Variants in GSE1 observed in about 807,000 individuals in gnomAD.
GSE1 encodes Gse1 coiled-coil protein, also known as genetic suppressor element 1.
A neutral mutation model predicts 112.6 loss-of-function variants in GSE1; 32 were observed. The ratio of observed to expected loss-of-function variants is 0.28; its 90% CI spans 0.21 to 0.38. The LOEUF is 0.38. Among genes scored for constraint, GSE1 ranks in the 10% least tolerant of loss-of-function variants. GSE1 has a pLI of 1.00. For missense variants in GSE1, 2,348 were observed against 1,699.2 expected, an observed-to-expected ratio of 1.38 and a Z score of -6.71; for synonymous variants, 1,115 against 735.6, an observed-to-expected ratio of 1.52 and a Z score of -8.35.
At chr16:85,399,295 G>A (rs1486313284) in intron 2 of GSE1, among the ~76,000 whole-genome samples, 1 of 152,208 alleles carries the variant, frequency 6.6e-6, no homozygotes, top group African/African-American at 2.4e-5. Context: ...CCAGCACAGA[G>A]TCCTCTCAGG....
chr16:85,351,715 C>T (rs968507607), intron 1 of GSE1, among the ~76,000 whole-genome samples: 5 of 152,282 alleles, frequency 3.3e-5, no homozygotes, highest in Admixed American at 1.3e-4. Flanking sequence ...TTGGGCTGGG[C>T]GCAGTGGCTC....
intron 2 of GSE1, among the ~76,000 whole-genome samples, chr16:85,425,838 T>G (rs549793946): frequency 1.6e-3 from 240 of 152,352 alleles, no homozygotes; most frequent in Non-Finnish European, 2.9e-3. Context: ...AGGAAGAATC[T>G]GAACATCCTA....
chr16:85,603,666 TA>T (rs1049159220), intron 1 of GSE1, among the ~76,000 whole-genome samples: 5 of 152,176 alleles, frequency 3.3e-5, no homozygotes, highest in African/African-American at 9.7e-5. Flanking sequence ...CAAGCCTGGT[TA>T]TTTTTTTATT....
At chr16:85,214,151 G>T (rs940671049) in intron 1 of GSE1, among the ~76,000 whole-genome samples, 2 of 152,182 alleles carry the variant, frequency 1.3e-5, no homozygotes, top group African/African-American at 4.8e-5. Context: ...TGGCGTGCCC[G>T]CCGGCCTCTC....
At chr16:85,224,796 T>C (rs2075454826) in intron 1 of GSE1, among the ~76,000 whole-genome samples, 1 of 150,634 alleles carries the variant, frequency 6.6e-6, no homozygotes, top group African/African-American at 2.5e-5. Flanking sequence ...GAGACCAGCC[T>C]GGCCAATATT....
intron 2 of GSE1, among the ~76,000 whole-genome samples, chr16:85,524,103 C>T (rs2052283800): frequency 6.6e-6 from 1 of 152,194 alleles, no homozygotes; most frequent in East Asian, 1.9e-4. Context: ...TTCCGGGGCC[C>T]AGGTCTGGGG....
chr16:85,504,679 A>T (rs1397464722), intron 2 of GSE1, among the ~76,000 whole-genome samples: 3 of 152,256 alleles, frequency 2.0e-5, no homozygotes, highest in Non-Finnish European at 1.5e-5. Flanking sequence ...AAGTGAGCCA[A>T]TTTAGATAAA....
chr16:85,192,656 T>A (rs533811786), intron 1 of GSE1, among the ~76,000 whole-genome samples: 14 of 152,172 alleles, frequency 9.2e-5, no homozygotes, highest in Non-Finnish European at 1.6e-4. Context: ...GAGCCTAAGC[T>A]CGTCGGGCAC....
intron 1 of GSE1, among the ~76,000 whole-genome samples, chr16:85,234,301 C>T (rs573076796): frequency 1.3e-3 from 201 of 152,270 alleles, no homozygotes; most frequent in African/African-American, 4.6e-3. Context: ...AGTCTCCTCT[C>T]TTACTAGCTT....
At chr16:85,187,376 G>A (rs1260794821) in intron 1 of GSE1, among the ~76,000 whole-genome samples, 1 of 152,234 alleles carries the variant, frequency 6.6e-6, no homozygotes, top group African/African-American at 2.4e-5. Context: ...CTGCGCCAAG[G>A]CCCTGGGGAG....
intron 2 of GSE1, among the ~76,000 whole-genome samples, chr16:85,533,667 C>T (rs1567566786): frequency 1.3e-5 from 2 of 152,102 alleles, no homozygotes; most frequent in Non-Finnish European, 2.9e-5. Context: ...AGTTTGAGAC[C>T]AGCCTGGGCA....
intron 1 of GSE1, among the ~76,000 whole-genome samples, chr16:85,252,347 A>G (rs778258576): frequency 1.3e-5 from 2 of 148,872 alleles, no homozygotes; most frequent in Non-Finnish European, 3.0e-5. Flanking sequence ...CCTCCTCCAT[A>G]GCACAAAGTT....
At position 85,654,376 on chromosome 16, in the gene GSE1, C is replaced by A; in HGVS notation, c.525C>A (p.His175Gln). 3 of 1,611,996 alleles carry A rather than the reference C, an allele frequency of 1.9e-6. No individual in the cohort carries two copies. Among genetic ancestry groups the A allele is most frequent in the Non-Finnish European group, 2.5e-6 (3 of 1,179,466 alleles). The stretch of plus-strand genomic sequence containing the variant: ...CAGGGGGACCAGCCATCCCCTCGCA[C>A]CTGCTCAGCACCCCCTACCCCTTCG... ...EKAGGPAIPS[H>Q]LLSTPYPFGL... The change falls in exon 4 of 16, where the codon CAC becomes CAA. Residue 175 changes from histidine to glutamine, a missense_variant. By Grantham distance (24) the His-to-Gln change is conservative (BLOSUM62 0). Coordinates refer to ENST00000253458, the MANE Select transcript of GSE1 (RefSeq NM_014615.5).
chr16:85,176,045 A>T (rs1050730861), intron 1 of GSE1, among the ~76,000 whole-genome samples: 1 of 151,900 alleles, frequency 6.6e-6, no homozygotes, highest in Non-Finnish European at 1.5e-5. Context: ...CTGGCGTGCA[A>T]TGGTACAATG....
chr16:85,518,804 G>A (rs545528888), intron 2 of GSE1, among the ~76,000 whole-genome samples: 45 of 152,186 alleles, frequency 3.0e-4, no homozygotes, highest in African/African-American at 9.9e-4. Flanking sequence ...CTATCCTTAC[G>A]CAAGACTGAC....
At chr16:85,214,772 T>A (rs1173491483) in intron 1 of GSE1, among the ~76,000 whole-genome samples, 1 of 151,986 alleles carries the variant, frequency 6.6e-6, no homozygotes, top group East Asian at 1.9e-4. Context: ...CTAGGCAGGG[T>A]TGGCAGGCCT....
intron 1 of GSE1, among the ~76,000 whole-genome samples, chr16:85,303,240 T>G (rs1159780590): frequency 6.6e-6 from 1 of 152,216 alleles, no homozygotes; most frequent in African/African-American, 2.4e-5. Flanking sequence ...ACTGCCCTGC[T>G]TGCCGCGGTC....
intron 2 of GSE1, among the ~76,000 whole-genome samples, chr16:85,360,982 C>T (rs919960361): frequency 2.0e-5 from 3 of 151,862 alleles, no homozygotes; most frequent in African/African-American, 7.3e-5. Flanking sequence ...CCACACACAG[C>T]CACACACACA....
intron 4 of GSE1, 131 bp downstream of exon 4, chr16:85,654,581 C>A: frequency 1.2e-6 from 1 of 846,866 alleles, no homozygotes; most frequent in Non-Finnish European, 1.9e-6. Context: ...GCCGCTGAGC[C>A]CTGGGGATTG....
Sources: allele counts gnomAD v4.1 joint callset (sites outside exome capture counted in the v4.1 genomes callset), GRCh38; gene constraint gnomAD v4.1.1; transcripts MANE v1.5; gene names NCBI Gene and HGNC (gene_info 2026-07-23, HGNC 2026-07-21).